Variants in RANBP2 observed in about 807,000 individuals in gnomAD.
RANBP2 encodes RAN binding protein 2, also known as E3 SUMO-protein ligase RanBP2.
RANBP2 carries 57 observed loss-of-function variants against 303.6 expected under a neutral mutation model. That is an observed-to-expected ratio of 0.19 (90% CI 0.15 to 0.23). The LOEUF is 0.23. Among genes scored for constraint, RANBP2 ranks in the 10% least tolerant of loss-of-function variants. The pLI, the probability that RANBP2 is intolerant of heterozygous loss-of-function variation, is 1.00. For synonymous variants in RANBP2, 1,167 were observed against 1,301.5 expected (o/e 0.90, Z 2.23); for missense variants, 3,138 against 3,780.8 (o/e 0.83, Z 4.46).
At chr2:108,922,368 G>A in the RANBP2 span, among the ~76,000 whole-genome samples, 2 of 152,362 alleles carry the variant, frequency 1.3e-5, no homozygotes, top group South Asian at 4.1e-4. Context: ...TCTAATTTGT[G>A]AATTAATTAG....
chr2:108,952,586 G>T, the RANBP2 span, among the ~76,000 whole-genome samples: 3 of 152,240 alleles, frequency 2.0e-5, no homozygotes, highest in Non-Finnish European at 1.5e-5. Flanking sequence ...CACTTGCTCT[G>T]CTGAGATTCT....
chr2:108,747,020 C>T (rs979455837), intron 8 of RANBP2, among the ~76,000 whole-genome samples: 6 of 152,162 alleles, frequency 3.9e-5, no homozygotes, highest in African/African-American at 1.4e-4. Flanking sequence ...GAGAGGATTT[C>T]TTAACTCTTT....
the RANBP2 span, among the ~76,000 whole-genome samples, chr2:109,555,764 C>T: frequency 2.0e-5 from 3 of 152,218 alleles, no homozygotes; most frequent in African/African-American, 4.8e-5. Flanking sequence ...TAAATACAAA[C>T]GGCTTAAGAA....
chr2:109,067,170 A>G, the RANBP2 span, among the ~76,000 whole-genome samples: 1 of 151,942 alleles, frequency 6.6e-6, no homozygotes, highest in Non-Finnish European at 1.5e-5. Flanking sequence ...TCAGCGAAGG[A>G]CGCACAGTGA....
the RANBP2 span, among the ~76,000 whole-genome samples, chr2:109,515,452 G>T: frequency 7.2e-5 from 11 of 152,082 alleles, no homozygotes; most frequent in Non-Finnish European, 1.2e-4. Context: ...CCAGGACAAA[G>T]CCCTGGTGGA....
the RANBP2 span, among the ~76,000 whole-genome samples, chr2:109,229,830 T>C: frequency 5.4e-5 from 6 of 110,282 alleles, no homozygotes; most frequent in African/African-American, 1.3e-4. Context: ...TTCTTTCTTT[T>C]TTTTTTTTTT....
Position 108,765,895 on chromosome 2 carries a change from G to A in RANBP2, c.5356G>A (p.Asp1786Asn). Residue 1786 changes from aspartate (D) to asparagine (N), a missense_variant, in exon 20 of 29, where the codon GAT (aspartate) becomes AAT (asparagine). Asp to Asn is a conservative substitution (Grantham distance 23). Coordinates refer to ENST00000283195, the MANE Select transcript of RANBP2 (RefSeq NM_006267.5). ...AATGTTCATCAGGAAAGGACAGTGGGATTGTAGTGTTTGCTGTGTACAAAA... is the reference window on the plus strand; with the variant it reads ...AATGTTCATCAGGAAAGGACAGTGGAATTGTAGTGTTTGCTGTGTACAAAA... ...EGMFIRKGQW[D>N]CSVCCVQNES... 4.3e-6 allele frequency: 7 copies of A among 1,614,190 alleles called. No individual in the cohort carries two copies. Among genetic ancestry groups the A allele is most frequent in the Non-Finnish European group, 5.9e-6 (7 of 1,180,008 alleles).
chr2:109,245,868 C>G, the RANBP2 span, among the ~76,000 whole-genome samples: 4 of 152,168 alleles, frequency 2.6e-5, no homozygotes, highest in Non-Finnish European at 5.9e-5. Flanking sequence ...GTACTTAACA[C>G]TTGAAATCTA....
At chr2:109,176,751 T>C in the RANBP2 span, among the ~76,000 whole-genome samples, 25 of 151,976 alleles carry the variant, frequency 1.6e-4, no homozygotes, top group Non-Finnish European at 2.9e-4. Flanking sequence ...AAAGAAGGCA[T>C]AGGGGCATGG....
At chr2:109,279,203 A>G in the RANBP2 span, among the ~76,000 whole-genome samples, 137 of 152,346 alleles carry the variant, frequency 9.0e-4, no homozygotes, top group African/African-American at 3.1e-3. Flanking sequence ...AGAGGCTGAC[A>G]TGAAGCGTGC....
At chr2:109,678,140 C>T in the RANBP2 span, among the ~76,000 whole-genome samples, 3 of 152,340 alleles carry the variant, frequency 2.0e-5, no homozygotes, top group South Asian at 6.2e-4. Context: ...TGGACAGCAC[C>T]AAGCAATTCT....
chr2:109,409,991 G>T, the RANBP2 span, among the ~76,000 whole-genome samples: 1 of 152,148 alleles, frequency 6.6e-6, no homozygotes, highest in Admixed American at 6.5e-5. Flanking sequence ...TAGTGTCAAA[G>T]AAAGAGACTC....
chr2:108,848,579 C>T, the RANBP2 span, among the ~76,000 whole-genome samples: 1 of 152,150 alleles, frequency 6.6e-6, no homozygotes, highest in Non-Finnish European at 1.5e-5. Flanking sequence ...TAAGATGTCC[C>T]ATATGGCTTA....
chr2:108,854,036 TAATATATAATAAA>T, the RANBP2 span, among the ~76,000 whole-genome samples: 1 of 108,560 alleles, frequency 9.2e-6, no homozygotes, highest in African/African-American at 4.1e-5. Context: ...ATATTATATA[TAATATATAATAAA>T]TTTATATTAT....
chr2:109,114,423 G>A, the RANBP2 span, among the ~76,000 whole-genome samples: 1 of 152,194 alleles, frequency 6.6e-6, no homozygotes, highest in East Asian at 1.9e-4. Context: ...TTTGCCTAGA[G>A]GTGTTTGTAG....
At chr2:108,805,790 G>T in the RANBP2 span, among the ~76,000 whole-genome samples, 1 of 152,042 alleles carries the variant, frequency 6.6e-6, no homozygotes, top group Non-Finnish European at 1.5e-5. Context: ...AAATAGTTTT[G>T]TGAGTTATGT....
intron 7 of RANBP2, among the ~76,000 whole-genome samples, chr2:108,744,862 T>C (rs1696393154): frequency 6.6e-6 from 1 of 152,250 alleles, no homozygotes; most frequent in Admixed American, 6.5e-5. Context: ...TCTTGTGTGT[T>C]CTTCAGGAAA....
At chr2:108,818,511 T>C in the RANBP2 span, among the ~76,000 whole-genome samples, 1 of 152,176 alleles carries the variant, frequency 6.6e-6, no homozygotes, top group Non-Finnish European at 1.5e-5. Flanking sequence ...ACTTAATTAC[T>C]ATATAATAAT....
chr2:108,875,524 C>T, the RANBP2 span, among the ~76,000 whole-genome samples: 6 of 151,996 alleles, frequency 3.9e-5, no homozygotes, highest in South Asian at 2.1e-4. Context: ...AAAATTCTCA[C>T]GCTCTCTAAT....
Sources: allele counts gnomAD v4.1 joint callset (sites outside exome capture counted in the v4.1 genomes callset), GRCh38; gene constraint gnomAD v4.1.1; transcripts MANE v1.5; gene names NCBI Gene and HGNC (gene_info 2026-07-23, HGNC 2026-07-21).